PFKFB3: variants seen among roughly 807,000 people sequenced by gnomAD.
PFKFB3 encodes 6-phosphofructo-2-kinase/fructose-2,6-biphosphatase 3.
In PFKFB3, 33 loss-of-function variants were observed where a neutral mutation model predicts 68.0. The ratio of observed to expected loss-of-function variants is 0.49; its 90% CI spans 0.37 to 0.65. The LOEUF is 0.65. PFKFB3 is among the 30% of genes least tolerant of loss of function. PFKFB3 has a pLI of 0.00. For synonymous variants in PFKFB3, 315 were observed against 288.2 expected, an observed-to-expected ratio of 1.09 and a Z score of -0.94; for missense variants, 586 against 712.2, an observed-to-expected ratio of 0.82 and a Z score of 2.02.
chr10:6,273,074 T>C, the PFKFB3 span, among the ~76,000 whole-genome samples: 1 of 143,950 alleles, frequency 6.9e-6, no homozygotes, highest in South Asian at 2.2e-4. Context: ...TGGCATGATT[T>C]CAGCTCACGA....
At chr10:6,232,177 G>A (rs748047268) in intron 14 of PFKFB3, among the ~76,000 whole-genome samples, 21 of 152,000 alleles carry the variant, frequency 1.4e-4, no homozygotes, top group Admixed American at 2.6e-4. Flanking sequence ...AGCAGGTCAC[G>A]GAAGGAGGCC....
At chr10:6,263,313 C>T in the PFKFB3 span, among the ~76,000 whole-genome samples, 21 of 152,122 alleles carry the variant, frequency 1.4e-4, no homozygotes, top group African/African-American at 4.1e-4. Flanking sequence ...TGCCTTTAAG[C>T]GGTTTTCCCG....
chr10:6,309,235 G>T, the PFKFB3 span, among the ~76,000 whole-genome samples: 3 of 152,312 alleles, frequency 2.0e-5, no homozygotes, highest in South Asian at 6.2e-4. Context: ...TGACGGTAAG[G>T]CATTATTGGC....
At chr10:6,199,403 G>A (rs1003720508), upstream of PFKFB3, among the ~76,000 whole-genome samples, 2 of 151,962 alleles carry the variant, frequency 1.3e-5, no homozygotes, top group Admixed American at 6.6e-5. Context: ...TGATCCTGGA[G>A]AAAAACCACT....
At chr10:6,162,287 T>A (rs639597) in intron 1 of PFKFB3, among the ~76,000 whole-genome samples, 150,449 of 152,320 alleles carry the variant, frequency 0.99, 74,334 homozygotes, top group Middle Eastern at 1. Flanking sequence ...TCATCTGTTG[T>A]TGGACACATG....
chr10:6,214,059 T>C (rs145827370), intron 2 of PFKFB3, among the ~76,000 whole-genome samples: 2 of 152,318 alleles, frequency 1.3e-5, no homozygotes, highest in African/African-American at 4.8e-5. Context: ...CAGTCCTAGC[T>C]AACATTCCTC....
At chr10:6,277,480 C>G in the PFKFB3 span, among the ~76,000 whole-genome samples, 2 of 152,108 alleles carry the variant, frequency 1.3e-5, no homozygotes, top group Non-Finnish European at 2.9e-5. Flanking sequence ...CTTGGCCTCC[C>G]GAAGTGCTGG....
intron 1 of PFKFB3, among the ~76,000 whole-genome samples, chr10:6,184,580 C>T (rs947391003): frequency 2.6e-5 from 4 of 152,006 alleles, no homozygotes. Flanking sequence ...AAGTGATTCT[C>T]CTGCCTCAGC....
chr10:6,208,755 G>A (rs919715332), intron 1 of PFKFB3, among the ~76,000 whole-genome samples: 5 of 152,172 alleles, frequency 3.3e-5, no homozygotes, highest in African/African-American at 7.2e-5. Flanking sequence ...CGGGAGAGCA[G>A]GAGTAGGAAC....
the PFKFB3 span, among the ~76,000 whole-genome samples, chr10:6,286,188 T>A: frequency 6.6e-6 from 1 of 152,024 alleles, no homozygotes; most frequent in African/African-American, 2.4e-5. Flanking sequence ...TGTGTTATCC[T>A]TGATGGTCTC....
chr10:6,244,330 C>T (rs1846207930), intron 14 of PFKFB3, among the ~76,000 whole-genome samples: 1 of 152,170 alleles, frequency 6.6e-6, no homozygotes, highest in Non-Finnish European at 1.5e-5. Flanking sequence ...CTTCCTGTTT[C>T]CCAGGCAGCT....
the PFKFB3 span, among the ~76,000 whole-genome samples, chr10:6,280,610 C>T: frequency 6.6e-6 from 1 of 152,160 alleles, no homozygotes; most frequent in Non-Finnish European, 1.5e-5. Flanking sequence ...CTAGAAAAAC[C>T]TTCTCTGCAG....
chr10:6,216,170 G>A lies in PFKFB3; in HGVS notation c.345G>A (p.Ala115=), dbSNP rs750805171. 2.4e-5 allele frequency: 39 copies of A among 1,614,040 alleles called. No homozygotes were observed. The highest frequency in any genetic ancestry group is 3.3e-5 in the South Asian group (3 of 91,090). Residue 115 remains alanine (A), a synonymous_variant, in exon 4 of 15, where the codon GCG becomes GCA. Transcript: ENST00000379775. Reference sequence around the variant, plus strand: ...TGAGAGATGTCAAAAGCTACCTGGCGAAAGAAGGGGGACAAATTGCGGTAA... The same window carrying A: ...TGAGAGATGTCAAAAGCTACCTGGCAAAAGAAGGGGGACAAATTGCGGTAA... The part of the protein sequence containing the change: ...AALRDVKSYL[A]KEGGQIAVFD...
chr10:6,272,235 C>G, the PFKFB3 span, among the ~76,000 whole-genome samples: 6 of 152,224 alleles, frequency 3.9e-5, no homozygotes, highest in Admixed American at 3.9e-4. Context: ...ATAAATGTCC[C>G]TTCTGTCCCT....
chr10:6,188,143 A>C (rs1242686347), intron 1 of PFKFB3, among the ~76,000 whole-genome samples: 1 of 151,328 alleles, frequency 6.6e-6, no homozygotes, highest in Non-Finnish European at 1.5e-5. Context: ...TTTTTTCTGA[A>C]CCATTTGAGA....
Position 6,154,511 on chromosome 10 carries a change from G to T in PFKFB3, c.16+9498G>T, listed in dbSNP as rs1423284132. ...GATTTGCCCGCCTCGGCCTTCCAAA[G>T]TGCTGGGATCATAGGCGCGAGCCAC... On this transcript the variant is annotated intron_variant, in intron 1 of 14. Transcript: ENST00000379789. This position sits in a 1 kb window ranked among gnomAD's most constrained non-coding sequence, Gnocchi z 4.6. Among the ~76,000 whole-genome samples the T allele has an allele frequency of 1.3e-5, 2 of 152,292 alleles. No homozygotes were observed. Among genetic ancestry groups the T allele is most frequent in the East Asian group, 3.9e-4 (2 of 5,178 alleles).
Position 6,202,951 on chromosome 10 carries a change from C to G in PFKFB3, c.-310C>G, listed in dbSNP as rs981668017. On this transcript the variant is annotated 5_prime_UTR_variant, in exon 1 of 15. Transcript: ENST00000379775. The stretch of plus-strand genomic sequence containing the variant: ...CATCCCAGCCAAGCCGGAGAGGAGG[C>G]GAGCAGCAGGGCCTGGTGGCGAGAG... 14 of 1,255,426 alleles carry G rather than the reference C, an allele frequency of 1.1e-5. No individual in the cohort carries two copies. The highest frequency in any genetic ancestry group is 1.4e-5 in the Non-Finnish European group (14 of 997,608). The allele number at this position is 1,255,426 out of a possible 1,614,324, so 77.8% of individuals were successfully genotyped here.
At chr10:6,223,824 T>G in intron 11 of PFKFB3, 134 bp from the exon 12 acceptor site, 1 of 747,826 alleles carries the variant, frequency 1.3e-6, no homozygotes, top group Admixed American at 1.9e-5. Flanking sequence ...GCCATGTTGG[T>G]CAGGCTGGTC....
At chr10:6,257,437 T>C (rs999142177), downstream of PFKFB3, among the ~76,000 whole-genome samples, 20 of 152,162 alleles carry the variant, frequency 1.3e-4, no homozygotes, top group Non-Finnish European at 2.8e-4. Flanking sequence ...CTTGAAGCCA[T>C]GTTTACATTC....
Sources: gnomAD v4.1 joint callset for allele counts (sites outside exome capture counted in the v4.1 genomes callset) on GRCh38, gnomAD v4.1.1 for gene constraint, Gnocchi (gnomAD v3.1) non-coding constraint, MANE v1.5 for transcripts, NCBI Gene and HGNC (gene_info 2026-07-23, HGNC 2026-07-21) for gene names.